Variants in RUNX1T1 observed in about 807,000 individuals in gnomAD.
RUNX1T1 encodes the protein RUNX1 partner transcriptional co-repressor 1, also known as protein CBFA2T1.
A neutral mutation model predicts 62.8 loss-of-function variants in RUNX1T1; 4 were observed. That is an observed-to-expected ratio of 0.06 (90% CI 0.03 to 0.15). The LOEUF is 0.15. Ranked by LOEUF, RUNX1T1 falls within the 10% of genes least tolerant of loss-of-function variation. The pLI is 1.00. For synonymous variants in RUNX1T1, 291 were observed against 286.0 expected, an observed-to-expected ratio of 1.02 and a Z score of -0.18; for missense variants, 508 against 754.3, an observed-to-expected ratio of 0.67 and a Z score of 3.82.
chr8:91,965,864 C>G (rs1339381943), intron 10 of RUNX1T1, among the ~76,000 whole-genome samples: 1 of 152,052 alleles, frequency 6.6e-6, no homozygotes, highest in East Asian at 1.9e-4. Context: ...CCGTTTTCCT[C>G]TTTCGTTCTT....
chr8:92,008,388 T>TCACACACACACACACACACACACACA (rs566293413), intron 4 of RUNX1T1, among the ~76,000 whole-genome samples: 1 of 131,898 alleles, frequency 7.6e-6, no homozygotes, highest in African/African-American at 2.9e-5. Context: ...TCTCTCTCTC[T>TCACACACACACACACACACACACACA]CACACACACA....
At chr8:92,057,880 T>G (rs1192254505) in intron 1 of RUNX1T1, among the ~76,000 whole-genome samples, 1 of 152,136 alleles carries the variant, frequency 6.6e-6, no homozygotes, top group Non-Finnish European at 1.5e-5. Context: ...CTACACCCAC[T>G]GCCACACACA....
exon 1 of RUNX1T1, chr8:92,062,655 G>A (rs1238406913): frequency 6.2e-7 from 1 of 1,613,752 alleles, no homozygotes. Flanking sequence ...AGAGAGGAGG[G>A]CCATCAGAGG....
chr8:91,968,862 C>G (rs1812189255), intron 10 of RUNX1T1, among the ~76,000 whole-genome samples: 1 of 152,146 alleles, frequency 6.6e-6, no homozygotes, highest in Non-Finnish European at 1.5e-5. Context: ...GACACTTCCA[C>G]TCTTCTTCAG....
At chr8:92,070,267 T>C (rs1018003712) in intron 2 of RUNX1T1, among the ~76,000 whole-genome samples, 1 of 152,208 alleles carries the variant, frequency 6.6e-6, no homozygotes, top group East Asian at 1.9e-4. Flanking sequence ...TACAAAAAAG[T>C]TGGAGCTTGA....
intron 8 of RUNX1T1, among the ~76,000 whole-genome samples, chr8:91,985,835 G>A (rs80309435): frequency 0.023 from 3,535 of 152,192 alleles, 131 homozygotes; most frequent in African/African-American, 0.08. Context: ...GAGGCATTAC[G>A]AAGGAGCACA....
At chr8:92,100,587 C>T (rs2130953935), upstream of RUNX1T1, among the ~76,000 whole-genome samples, 1 of 152,236 alleles carries the variant, frequency 6.6e-6, no homozygotes, top group South Asian at 2.1e-4. Flanking sequence ...TAATGGACTT[C>T]AACTTCTTCA....
chr8:92,044,193 C>G (rs1828986007), intron 1 of RUNX1T1, among the ~76,000 whole-genome samples: 1 of 151,992 alleles, frequency 6.6e-6, no homozygotes, highest in Admixed American at 6.6e-5. Flanking sequence ...TGATAAGTAG[C>G]TAAAATGAAC....
At chr8:92,089,790 T>TG (rs2130889158) in intron 1 of RUNX1T1, among the ~76,000 whole-genome samples, 1 of 152,152 alleles carries the variant, frequency 6.6e-6, no homozygotes, top group Non-Finnish European at 1.5e-5. Flanking sequence ...AGGATAGCTA[T>TG]GGAAAGAATG....
intron 1 of RUNX1T1, among the ~76,000 whole-genome samples, chr8:92,080,882 G>A (rs1281477680): frequency 6.6e-6 from 1 of 152,202 alleles, no homozygotes; most frequent in African/African-American, 2.4e-5. Flanking sequence ...TTAATCAGAA[G>A]GTAGGCAACC....
chr8:92,054,169 C>T (rs1032244878), intron 1 of RUNX1T1, among the ~76,000 whole-genome samples: 1 of 150,782 alleles, frequency 6.6e-6, no homozygotes, highest in Non-Finnish European at 1.5e-5. Flanking sequence ...CTCACTTAAG[C>T]ATGTGTTTTA....
At chr8:92,101,891 C>T (rs575895876), upstream of RUNX1T1, among the ~76,000 whole-genome samples, 4 of 152,284 alleles carry the variant, frequency 2.6e-5, no homozygotes, top group South Asian at 4.1e-4. Context: ...TTCAGGTTCG[C>T]AAAGAGGGCG....
At chr8:92,018,120 T>A (rs1203674818) in intron 1 of RUNX1T1, among the ~76,000 whole-genome samples, 1 of 152,172 alleles carries the variant, frequency 6.6e-6, no homozygotes, top group African/African-American at 2.4e-5. Context: ...TTCATGAGTA[T>A]GTGGCAGATA....
chr8:92,092,859 T>C (rs1563943793), intron 1 of RUNX1T1, among the ~76,000 whole-genome samples: 1 of 152,258 alleles, frequency 6.6e-6, no homozygotes, highest in Admixed American at 6.5e-5. Context: ...ATTTTTTTTT[T>C]ATTTTTTTGT....
upstream of RUNX1T1, among the ~76,000 whole-genome samples, chr8:92,067,838 AAT>A (rs1016248328): frequency 3.9e-5 from 6 of 152,192 alleles, no homozygotes; most frequent in African/African-American, 1.4e-4. Flanking sequence ...ATGCCTTTAA[AAT>A]ATGACAATAT....
chr8:91,997,683 TCCTTCTTGCCCCAGGATA>T (rs1818969200), intron 5 of RUNX1T1, among the ~76,000 whole-genome samples: 1 of 152,146 alleles, frequency 6.6e-6, no homozygotes, highest in South Asian at 2.1e-4. Flanking sequence ...TACGGGTCCC[TCCTTCTTGCCCCAGGATA>T]CCTTTATCTT....
exon 2 of RUNX1T1, chr8:92,076,075 T>C (rs777290076): frequency 6.2e-7 from 1 of 1,606,620 alleles, no homozygotes; most frequent in South Asian, 1.1e-5. Context: ...GCTCTGCTAA[T>C]TTCCTCTCTC....
chr8:92,034,309 C>T (rs1195823712), intron 1 of RUNX1T1, among the ~76,000 whole-genome samples: 1 of 152,088 alleles, frequency 6.6e-6, no homozygotes, highest in Non-Finnish European at 1.5e-5. Context: ...CAAAAGTACA[C>T]TAGAGCACCA....
intron 9 of RUNX1T1, among the ~76,000 whole-genome samples, chr8:91,971,772 A>C (rs1177447296): frequency 6.6e-6 from 1 of 152,174 alleles, no homozygotes; most frequent in Non-Finnish European, 1.5e-5. Context: ...AGGCCTGACT[A>C]TGAGTCTGCA....
Sources: allele counts gnomAD v4.1 joint callset (sites outside exome capture counted in the v4.1 genomes callset), GRCh38; gene constraint gnomAD v4.1.1; transcripts MANE v1.5; gene names NCBI Gene and HGNC (gene_info 2026-07-23, HGNC 2026-07-21).